The following SLC35F4 variants were observed in gnomAD, a reference collection of about 807,000 sequenced individuals.
The protein encoded by SLC35F4 is solute carrier family 35 member F4.
Under a neutral mutation model 44.2 loss-of-function variants are expected in SLC35F4, and 24 were observed. The ratio of observed to expected loss-of-function variants is 0.54; its 90% CI spans 0.39 to 0.76. The LOEUF (loss-of-function observed/expected upper bound fraction) is 0.76, where lower values mean the gene tolerates loss of function less well. SLC35F4 is among the 30% of genes least tolerant of loss of function. The probability of loss-of-function intolerance (pLI) is 0.00; values close to 1 mark genes in which losing one functional copy is unlikely to be tolerated. For missense variants in SLC35F4, 562 were observed against 586.1 expected, an observed-to-expected ratio of 0.96 and a Z score of 0.42; for synonymous variants, 238 against 223.6, an observed-to-expected ratio of 1.06 and a Z score of -0.57.
rs188303976 is a variant in SLC35F4, at chr14:57,887,445, C to T, written n.282+94468G>A. Among the ~76,000 whole-genome samples the T allele has an allele frequency of 4.5e-4, 69 of 152,292 alleles. 2 individuals carry two copies. Among genetic ancestry groups the T allele is most frequent in the Non-Finnish European group, 7.3e-4 (50 of 68,030 alleles). On this transcript the variant is annotated intron_variant and non_coding_transcript_variant, in intron 1 of 1. Transcript: ENST00000556568. ...CAACCATCCTACTGAACCCGATAAA[C>T]GGGATGTTACTCCATTACCTTGGGA...
At chr14:57,649,317 G>C (rs1334796468) in intron 1 of SLC35F4, among the ~76,000 whole-genome samples, 5 of 152,122 alleles carry the variant, frequency 3.3e-5, no homozygotes, top group African/African-American at 1.2e-4. Context: ...CTGATTGGCA[G>C]GGCTACATTC....
At position 57,564,106 on chromosome 14, in the gene SLC35F4, A is replaced by G; in HGVS notation, c.*29T>C. 2 of 1,612,014 alleles carry G rather than the reference A, an allele frequency of 1.2e-6. No homozygotes were observed. The highest frequency in any genetic ancestry group is 1.1e-5 in the South Asian group (1 of 90,930). ...ATTTTGTTATATTCACAGAATATAC[A>G]TACACGTGCATTCAAAATATGTCCC... is the stretch of plus-strand genomic sequence containing the variant. On this transcript the variant is annotated 3_prime_UTR_variant, in exon 8 of 8. Coordinates refer to ENST00000556826, the MANE Select transcript of SLC35F4 (RefSeq NM_001306087.2).
intron 5 of SLC35F4, among the ~76,000 whole-genome samples, chr14:57,571,509 C>A (rs2068503736): frequency 6.6e-6 from 1 of 152,160 alleles, no homozygotes; most frequent in Admixed American, 6.5e-5. Context: ...AGAGAAGATG[C>A]CTTTCTAATG....
At chr14:57,724,330 G>C (rs1472616221) in intron 1 of SLC35F4, among the ~76,000 whole-genome samples, 1 of 152,170 alleles carries the variant, frequency 6.6e-6, no homozygotes, top group Non-Finnish European at 1.5e-5. Flanking sequence ...AGGCCTCTAG[G>C]ATTTTGGAGC....
chr14:57,677,100 CT>C (rs2074720332), intron 1 of SLC35F4, among the ~76,000 whole-genome samples: 1 of 151,970 alleles, frequency 6.6e-6, no homozygotes, highest in Non-Finnish European at 1.5e-5. Context: ...AGCAAAATAT[CT>C]TTTGCAGCAA....
intron 1 of SLC35F4, among the ~76,000 whole-genome samples, chr14:57,769,407 A>T (rs2077308354): frequency 1.3e-5 from 2 of 152,206 alleles, no homozygotes; most frequent in Non-Finnish European, 2.9e-5. Flanking sequence ...GACATGCCAG[A>T]ATGTTAAACA....
intron 1 of SLC35F4, among the ~76,000 whole-genome samples, chr14:57,954,686 A>G (rs917154459): frequency 4.6e-5 from 7 of 152,216 alleles, no homozygotes; most frequent in Admixed American, 3.9e-4. Flanking sequence ...AGAAATGGAT[A>G]AATTCCTGGA....
At chr14:57,925,720 G>C (rs1475203246) in intron 1 of SLC35F4, among the ~76,000 whole-genome samples, 4 of 151,212 alleles carry the variant, frequency 2.6e-5, no homozygotes, top group Admixed American at 2.6e-4. Context: ...TACTACAAGT[G>C]TATAGACATA....
At chr14:57,724,571 A>G (rs1160297615) in intron 1 of SLC35F4, among the ~76,000 whole-genome samples, 1 of 152,170 alleles carries the variant, frequency 6.6e-6, no homozygotes, top group African/African-American at 2.4e-5. Context: ...ATTGGGCTCA[A>G]GCAGGTCCTG....
At chr14:57,933,135 C>A (rs1889731571) in intron 1 of SLC35F4, among the ~76,000 whole-genome samples, 1 of 151,660 alleles carries the variant, frequency 6.6e-6, no homozygotes, top group African/African-American at 2.4e-5. Context: ...AATTCTCCTG[C>A]CTCAGCCTCC....
chr14:57,880,091 AGGAAGGAAGGAAGGAAG>A (rs1888499415), intron 1 of SLC35F4, among the ~76,000 whole-genome samples: 2 of 113,026 alleles, frequency 1.8e-5, no homozygotes, highest in Non-Finnish European at 3.9e-5. Context: ...GAAGGAAGGA[AGGAAGGAAGGAAGGAAG>A]GACAGTAGAT....
At chr14:57,721,766 C>G (rs1199040515) in intron 1 of SLC35F4, among the ~76,000 whole-genome samples, 1 of 152,066 alleles carries the variant, frequency 6.6e-6, no homozygotes, top group African/African-American at 2.4e-5. Context: ...ACCTTTTTTG[C>G]CAGAAGAAAC....
rs187517532 is a variant in SLC35F4 at position 57,949,270 on chromosome 14, C to T, written n.282+32643G>A. On this transcript the variant is annotated intron_variant and non_coding_transcript_variant, in intron 1 of 1. Transcript: ENST00000556568. The stretch of plus-strand genomic sequence containing the variant: ...TTTCCTGTTGGACTAATCCTTTTGT[C>T]TTTATATAATGTTCCTCTTTGTCTT... Among the ~76,000 whole-genome samples, 992 of 152,222 alleles carry T rather than the reference C, an allele frequency of 6.5e-3. 11 individuals are homozygous for T. The highest frequency in any genetic ancestry group is 0.022 in the African/African-American group (933 of 41,560).
intron 1 of SLC35F4, among the ~76,000 whole-genome samples, chr14:57,614,877 CTG>C (rs1260043468): frequency 3.9e-5 from 6 of 152,146 alleles, no homozygotes; most frequent in Non-Finnish European, 8.8e-5. Flanking sequence ...AGGGAGAAAG[CTG>C]TGTGACCTTG....
intron 1 of SLC35F4, among the ~76,000 whole-genome samples, chr14:57,711,730 A>C (rs577686802): frequency 6.6e-6 from 1 of 152,336 alleles, no homozygotes; most frequent in East Asian, 1.9e-4. Flanking sequence ...CAGAAAGCCA[A>C]ATCAAGATAT....
intron 1 of SLC35F4, among the ~76,000 whole-genome samples, chr14:57,650,967 C>A (rs141535728): frequency 6.6e-6 from 1 of 152,304 alleles, no homozygotes; most frequent in East Asian, 1.9e-4. Flanking sequence ...CTAAGAGAGG[C>A]ATTCCCCAAA....
intron 1 of SLC35F4, among the ~76,000 whole-genome samples, chr14:57,884,006 A>G (rs1196244947): frequency 6.6e-6 from 1 of 152,224 alleles, no homozygotes; most frequent in African/African-American, 2.4e-5. Context: ...AGGTCAGGTG[A>G]TAGAGACAAT....
chr14:57,839,532 G>A (rs945728595), intron 1 of SLC35F4, among the ~76,000 whole-genome samples: 1 of 152,142 alleles, frequency 6.6e-6, no homozygotes, highest in African/African-American at 2.4e-5. Context: ...GCTGTATGAT[G>A]AGAACATAAG....
chr14:57,786,879 A>G (rs2077776102), intron 1 of SLC35F4, among the ~76,000 whole-genome samples: 1 of 152,158 alleles, frequency 6.6e-6, no homozygotes, highest in African/African-American at 2.4e-5. Context: ...CAACAATCAT[A>G]TTAGTTCAGC....
Sources: allele counts gnomAD v4.1 joint callset (sites outside exome capture counted in the v4.1 genomes callset), GRCh38; gene constraint gnomAD v4.1.1; transcripts MANE v1.5; gene names NCBI Gene and HGNC (gene_info 2026-07-23, HGNC 2026-07-21).